The following FTO variants were observed in gnomAD, a reference collection of about 807,000 sequenced individuals.
FTO encodes the protein alpha-ketoglutarate-dependent dioxygenase FTO.
In FTO, 47 loss-of-function variants were observed where a neutral mutation model predicts 63.9. The ratio of observed to expected loss-of-function variants is 0.74; its 90% CI spans 0.58 to 0.94. FTO has a LOEUF of 0.94. Ranked by LOEUF, FTO falls within the 40% of genes least tolerant of loss-of-function variation. FTO has a pLI of 0.00. For synonymous variants in FTO, 207 were observed against 224.4 expected (o/e 0.92, Z 0.69); for missense variants, 562 against 618.1 (o/e 0.91, Z 0.96).
intron 8 of FTO, among the ~76,000 whole-genome samples, chr16:53,938,674 G>A (rs1350848093): frequency 6.6e-6 from 1 of 152,228 alleles, no homozygotes; most frequent in East Asian, 1.9e-4. Context: ...AAGAGGCTGT[G>A]GAAGGCAGTG....
intron 4 of FTO, among the ~76,000 whole-genome samples, chr16:53,855,901 G>A (rs1258497583): frequency 6.6e-6 from 1 of 152,128 alleles, no homozygotes; most frequent in Non-Finnish European, 1.5e-5. Flanking sequence ...TTAGGCTGAG[G>A]AGGAATGTTT....
intron 7 of FTO, among the ~76,000 whole-genome samples, chr16:53,903,225 GT>G (rs2151929514): frequency 6.6e-6 from 1 of 151,184 alleles, no homozygotes; most frequent in African/African-American, 2.4e-5. Flanking sequence ...ACTATTCTTA[GT>G]TCTTTCCATA....
At chr16:53,995,673 T>G (rs2143946218) in intron 8 of FTO, among the ~76,000 whole-genome samples, 1 of 152,326 alleles carries the variant, frequency 6.6e-6, no homozygotes, top group East Asian at 1.9e-4. Flanking sequence ...ACCATGTATA[T>G]GAAACACAGT....
chr16:53,921,435 A>G (rs891870125), intron 7 of FTO, among the ~76,000 whole-genome samples: 12 of 152,176 alleles, frequency 7.9e-5, no homozygotes, highest in African/African-American at 2.9e-4. Context: ...CAGTGGCTCA[A>G]TTATTTCGTA....
intron 1 of FTO, among the ~76,000 whole-genome samples, chr16:53,805,572 C>G (rs988616525): frequency 1.3e-5 from 2 of 151,834 alleles, no homozygotes; most frequent in African/African-American, 4.8e-5. Context: ...CCTCAGCCTC[C>G]TGAGTTGCTG....
chr16:53,708,718 G>A (rs1349090054), intron 1 of FTO, among the ~76,000 whole-genome samples: 1 of 152,168 alleles, frequency 6.6e-6, no homozygotes, highest in African/African-American at 2.4e-5. Context: ...AGCCGTTATA[G>A]TGGGTGTGAA....
chr16:53,762,867 A>G (rs1380888357), intron 1 of FTO, among the ~76,000 whole-genome samples: 2 of 152,232 alleles, frequency 1.3e-5, no homozygotes, highest in Non-Finnish European at 2.9e-5. Flanking sequence ...TCTTGCCACT[A>G]CAAGTTTAAA....
At chr16:54,033,539 C>T (rs182183251) in intron 8 of FTO, among the ~76,000 whole-genome samples, 174 of 152,216 alleles carry the variant, frequency 1.1e-3, no homozygotes, top group Non-Finnish European at 8.8e-4. Context: ...CAGACTTGTC[C>T]AGACACAGTG....
At chr16:53,984,147 C>T (rs2083610091) in intron 8 of FTO, among the ~76,000 whole-genome samples, 1 of 152,008 alleles carries the variant, frequency 6.6e-6, no homozygotes. Flanking sequence ...CAGCTTGTCT[C>T]ATTTATATCA....
chr16:53,778,762 G>T (rs969362963), intron 1 of FTO, among the ~76,000 whole-genome samples: 1 of 151,936 alleles, frequency 6.6e-6, no homozygotes. Flanking sequence ...GAATTCCTGG[G>T]GCCTGATTTT....
intron 1 of FTO, among the ~76,000 whole-genome samples, chr16:53,776,184 C>T (rs2077454629): frequency 6.6e-6 from 1 of 152,168 alleles, no homozygotes. Flanking sequence ...TGGAGTTGAG[C>T]TCCTTATCCC....
intron 5 of FTO, among the ~76,000 whole-genome samples, chr16:53,876,933 C>G (rs1480109235): frequency 1.1e-4 from 16 of 152,262 alleles, no homozygotes; most frequent in Non-Finnish European, 2.9e-5. Flanking sequence ...TCTTCACACA[C>G]ACACAAAAAG....
intron 7 of FTO, among the ~76,000 whole-genome samples, chr16:53,930,220 T>C (rs1436239066): frequency 7.2e-6 from 1 of 139,064 alleles, no homozygotes; most frequent in Non-Finnish European, 1.5e-5. Flanking sequence ...ATGATTATCT[T>C]CTTTTTTTTT....
intron 4 of FTO, among the ~76,000 whole-genome samples, chr16:53,845,634 A>G (rs192487380): frequency 3.9e-5 from 6 of 152,360 alleles, no homozygotes; most frequent in Admixed American, 1.3e-4. Flanking sequence ...AGGTATAATT[A>G]GAAGGGCTTT....
At chr16:53,941,168 C>T (rs1245712613) in intron 8 of FTO, among the ~76,000 whole-genome samples, 4 of 152,188 alleles carry the variant, frequency 2.6e-5, no homozygotes, top group South Asian at 4.1e-4. Context: ...AAGTCGGCAC[C>T]GTCCAGTTTA....
At chr16:54,053,215 C>T (rs1366189562) in intron 8 of FTO, among the ~76,000 whole-genome samples, 1 of 152,200 alleles carries the variant, frequency 6.6e-6, no homozygotes, top group Non-Finnish European at 1.5e-5. Context: ...CAGGCTTAGC[C>T]AGCTTTCACC....
chr16:53,918,696 A>T (rs778558637), intron 7 of FTO, among the ~76,000 whole-genome samples: 12 of 152,188 alleles, frequency 7.9e-5, no homozygotes, highest in Non-Finnish European at 1.5e-4. Context: ...TGTATTTCCC[A>T]GCATAGATTG....
At chr16:53,712,856 C>G (rs899359364) in intron 1 of FTO, among the ~76,000 whole-genome samples, 1 of 152,044 alleles carries the variant, frequency 6.6e-6, no homozygotes, top group Non-Finnish European at 1.5e-5. Flanking sequence ...GATTCTGGAT[C>G]CTTGGCTGCT....
chr16:53,986,845 G>A (rs753304488), intron 8 of FTO, among the ~76,000 whole-genome samples: 22 of 152,190 alleles, frequency 1.4e-4, no homozygotes, highest in Non-Finnish European at 2.9e-4. Flanking sequence ...ATGTCACTCT[G>A]TTTCTGAAAG....
Sources: allele counts gnomAD v4.1 joint callset (sites outside exome capture counted in the v4.1 genomes callset), GRCh38; gene constraint gnomAD v4.1.1; transcripts MANE v1.5; gene names NCBI Gene and HGNC (gene_info 2026-07-23, HGNC 2026-07-21).